Variants in DPPA4 observed in about 807,000 individuals in gnomAD.
DPPA4 encodes the protein developmental pluripotency associated 4.
A neutral mutation model predicts 33.7 loss-of-function variants in DPPA4; 22 were observed. The ratio of observed to expected loss-of-function variants is 0.65; its 90% CI spans 0.47 to 0.93. The LOEUF (loss-of-function observed/expected upper bound fraction) is 0.93, where lower values mean the gene tolerates loss of function less well. Among genes scored for constraint, DPPA4 ranks in the 40% least tolerant of loss-of-function variants. The pLI is 0.00. For missense variants in DPPA4, 340 were observed against 358.6 expected (o/e 0.95, Z 0.42); for synonymous variants, 156 against 132.3 (o/e 1.18, Z -1.23).
At chr3:109,338,711 C>A (rs1170070116), upstream of DPPA4, among the ~76,000 whole-genome samples, 2 of 152,128 alleles carry the variant, frequency 1.3e-5, no homozygotes, top group Non-Finnish European at 2.9e-5. Context: ...TGGGCAACCC[C>A]CAAGGCGGCA....
upstream of DPPA4, among the ~76,000 whole-genome samples, chr3:109,338,200 AT>A (rs1231619133): frequency 2.6e-5 from 4 of 152,162 alleles, no homozygotes; most frequent in Non-Finnish European, 5.9e-5. Flanking sequence ...AAGTGTTGGG[AT>A]TACAGGCGTG....
upstream of DPPA4, among the ~76,000 whole-genome samples, chr3:109,339,521 T>C (rs1302164362): frequency 6.6e-6 from 1 of 151,872 alleles, no homozygotes. Flanking sequence ...CCCAGCACTT[T>C]GGGAGGCAGG....
chr3:109,328,560 C>G (rs1412836602), intron 6 of DPPA4, among the ~76,000 whole-genome samples: 1 of 152,112 alleles, frequency 6.6e-6, no homozygotes, highest in South Asian at 2.1e-4. Flanking sequence ...TACATGCCCA[C>G]CATCCCTGTT....
intron 4 of DPPA4, among the ~76,000 whole-genome samples, chr3:109,331,289 GAAAAGA>G (rs1708069435): frequency 8.3e-6 from 1 of 121,156 alleles, no homozygotes; most frequent in African/African-American, 3.1e-5. Context: ...AAAAAAGAAA[GAAAAGA>G]AAAGAAAAGA....
At position 109,326,940 on chromosome 3, in the gene DPPA4, T is replaced by A. The variant is rs1032240155; in HGVS notation, c.*1048A>T. 3 of 152,206 alleles carry A rather than the reference T, an allele frequency of 2.0e-5. No homozygotes were observed. Among genetic ancestry groups the A allele is most frequent in the African/African-American group, 7.2e-5 (3 of 41,474 alleles). 9.4% of individuals were successfully genotyped at this position (152,206 alleles called of 1,614,324 possible). ...AATATGGTTCTCTAAATACAACAGA[T>A]GAATTATTTTACATACACATCTTAT... On this transcript the variant is annotated 3_prime_UTR_variant, in exon 7 of 7. Coordinates refer to ENST00000335658, the MANE Select transcript of DPPA4 (RefSeq NM_018189.4).
chr3:109,330,326 A>AGG (rs1559707715), intron 5 of DPPA4, 198 bp downstream of exon 5: 17 of 361,036 alleles, frequency 4.7e-5, no homozygotes, highest in South Asian at 1.7e-4. Flanking sequence ...AAAAAAAAAA[A>AGG]AAAAAGGAAA....
At chr3:109,328,798 C>T (rs1576833527) in intron 6 of DPPA4, 92 bp downstream of exon 6, 1 of 1,144,688 alleles carries the variant, frequency 8.7e-7, no homozygotes, top group Admixed American at 2.7e-5. Context: ...GCTTGAAATA[C>T]CTGGCTATTT....
upstream of DPPA4, among the ~76,000 whole-genome samples, chr3:109,338,739 G>A (rs944745720): frequency 6.6e-6 from 1 of 152,184 alleles, no homozygotes; most frequent in African/African-American, 2.4e-5. Flanking sequence ...AACCAGGTGA[G>A]TTGAGGTCAT....
chr3:109,334,575 C>A (rs1221457349), intron 1 of DPPA4, among the ~76,000 whole-genome samples: 1 of 151,782 alleles, frequency 6.6e-6, no homozygotes, highest in Non-Finnish European at 1.5e-5. Flanking sequence ...TATATTCCAT[C>A]ATCTCTCACC....
chr3:109,328,789 C>T (rs1394127022), intron 6 of DPPA4, 101 bp downstream of exon 6: 2 of 1,076,046 alleles, frequency 1.9e-6, no homozygotes, highest in Non-Finnish European at 1.3e-6. Context: ...ACAATTTGAG[C>T]TTGAAATACC....
In DPPA4 at chr3:109,328,967, T is replaced by C; in HGVS notation, c.801A>G (p.Ala267=). The C allele has an allele frequency of 6.2e-7, 1 of 1,613,522 alleles. No homozygotes were observed. Among genetic ancestry groups the C allele is most frequent in the Non-Finnish European group, 8.5e-7 (1 of 1,179,854 alleles). ...VPEKQEGRVS[A]LFLLPASNFP... Reference sequence around the variant, plus strand: ...AATTGGAGGCAGGAAGCAAGAAGAGTGCACTCACTCTCCCTTCTTGCTTTT... The same window carrying C: ...AATTGGAGGCAGGAAGCAAGAAGAGCGCACTCACTCTCCCTTCTTGCTTTT... Residue 267 remains alanine, a synonymous_variant, in exon 6 of 7, where the codon GCA becomes GCG. Transcript: ENST00000335658.
In DPPA4 at chr3:109,326,526, A is replaced by G. The variant is rs1023677499; in HGVS notation, c.*1462T>C. 6.6e-6 allele frequency: 1 copy of G among 152,088 alleles called. No homozygotes were observed. The highest frequency in any genetic ancestry group is 1.9e-4 in the East Asian group (1 of 5,190). The allele number at this position is 152,088 out of a possible 1,614,324, so 9.4% of individuals were successfully genotyped here. A position where few individuals can be genotyped will look rare whatever the true frequency, so the allele number is the denominator to read the frequency against. On this transcript the variant is annotated 3_prime_UTR_variant, in exon 7 of 7. Coordinates refer to ENST00000335658, the MANE Select transcript of DPPA4 (RefSeq NM_018189.4). ...TTACACCTGTATTATGATGGTTACA[A>G]ATTTTCCAACTCTTCCACTCCTTCC...
chr3:109,331,121 T>C (rs907910870), intron 4 of DPPA4, among the ~76,000 whole-genome samples: 3 of 150,674 alleles, frequency 2.0e-5, no homozygotes, highest in Admixed American at 6.6e-5. Flanking sequence ...CTACTAAAAA[T>C]ACAAAAATTA....
intron 1 of DPPA4, among the ~76,000 whole-genome samples, chr3:109,336,135 G>C (rs1339486854): frequency 6.6e-6 from 1 of 151,454 alleles, no homozygotes; most frequent in Non-Finnish European, 1.5e-5. Flanking sequence ...CTGGGCGACA[G>C]AGTCAAACTC....
upstream of DPPA4, among the ~76,000 whole-genome samples, chr3:109,337,754 T>A (rs1708243551): frequency 1.3e-5 from 2 of 152,138 alleles, no homozygotes; most frequent in Admixed American, 1.3e-4. Flanking sequence ...TAAATGTAAT[T>A]ATCCAAAGTA....
intron 5 of DPPA4, 75 bp downstream of exon 5, chr3:109,330,449 A>C: frequency 6.4e-7 from 1 of 1,561,288 alleles, no homozygotes; most frequent in East Asian, 2.2e-5. Context: ...ATATACCCTA[A>C]AATGTACCAG....
At position 109,330,778 on chromosome 3, in the gene DPPA4, C is replaced by T. The variant is rs201133846; in HGVS notation, c.425G>A (p.Arg142Gln). 166 of 1,613,258 alleles carry T rather than the reference C, an allele frequency of 1.0e-4. 1 individual carries two copies. In the African/African-American group the frequency reaches 1.5e-3, roughly 15 times the overall value. The change falls in exon 5 of 7, where the codon CGG becomes CAG. Residue 142 changes from arginine (R) to glutamine (Q), a missense_variant. Coordinates refer to ENST00000335658, the MANE Select transcript of DPPA4 (RefSeq NM_018189.4). Reference sequence around the variant, plus strand: ...CTTTAATTTTTTTTGCAATGATTTCCGGATTTTGGCCTCTTTTGCTGTGCT... The same window carrying T: ...CTTTAATTTTTTTTGCAATGATTTCTGGATTTTGGCCTCTTTTGCTGTGCT... ...FPSTAKEAKI[R>Q]KSLQKKLKVE...
In DPPA4 at chr3:109,329,052, G is replaced by A; in HGVS notation, c.716C>T (p.Pro239Leu). 6.2e-7 allele frequency: 1 copy of A among 1,614,040 alleles called. No individual in the cohort carries two copies. The highest frequency in any genetic ancestry group is 1.1e-5 in the South Asian group (1 of 91,074). ...RWCVVHGKSL[P>L]ADTDGWVHLQ... ...GTGAACCCAACCATCTGTGTCTGCA[G>A]GGAGACTTTTCCCATGGACCACACA... Residue 239 changes from proline to leucine, a missense_variant, in exon 6 of 7, where the codon CCT becomes CTT. Transcript: ENST00000335658.
chr3:109,327,312 A>G lies in DPPA4; in HGVS notation c.*676T>C, dbSNP rs954251829. The G allele has an allele frequency of 1.3e-5, 2 of 152,208 alleles. No individual in the cohort carries two copies. The allele number at this position is 152,208 out of a possible 1,614,324, so 9.4% of individuals were successfully genotyped here. A position where few individuals can be genotyped will look rare whatever the true frequency, so the allele number is the denominator to read the frequency against. ...CAGTGTTCAGAGGAAGAGAAAATTG[A>G]GCACAAGAGCCAACTACCATTTTAC... On this transcript the variant is annotated 3_prime_UTR_variant, in exon 7 of 7. Transcript: ENST00000335658.
Sources: allele counts gnomAD v4.1 joint callset (sites outside exome capture counted in the v4.1 genomes callset), GRCh38; gene constraint gnomAD v4.1.1; transcripts MANE v1.5; gene names NCBI Gene and HGNC (gene_info 2026-07-23, HGNC 2026-07-21).